The following PTPRN2 variants were observed in gnomAD, a reference collection of about 807,000 sequenced individuals.
The protein encoded by PTPRN2 is receptor-type tyrosine-protein phosphatase N2.
In PTPRN2, 74 loss-of-function variants were observed where a neutral mutation model predicts 118.8. The observed-to-expected ratio is 0.62, with a 90% CI of 0.52 to 0.76. The LOEUF is 0.76. PTPRN2 is among the 30% of genes least tolerant of loss of function. The pLI, the probability that PTPRN2 is intolerant of heterozygous loss-of-function variation, is 0.00. For synonymous variants in PTPRN2, 641 were observed against 608.0 expected, an observed-to-expected ratio of 1.05 and a Z score of -0.80; for missense variants, 1,481 against 1,394.4, an observed-to-expected ratio of 1.06 and a Z score of -0.99.
chr7:157,811,596 C>T (rs1314878887), intron 12 of PTPRN2, among the ~76,000 whole-genome samples: 10 of 152,034 alleles, frequency 6.6e-5, no homozygotes, highest in East Asian at 5.8e-4. Context: ...CACACAGGAA[C>T]GTGCGTGAGC....
chr7:158,100,247 GT>G (rs1563434422), intron 10 of PTPRN2, among the ~76,000 whole-genome samples: 34 of 29,072 alleles, frequency 1.2e-3, no homozygotes, highest in Middle Eastern at 0.016. Flanking sequence ...TCCATGGGGT[GT>G]GTGTGTGTGT....
chr7:158,282,021 T>G (rs1234332355), intron 3 of PTPRN2, among the ~76,000 whole-genome samples: 1 of 152,156 alleles, frequency 6.6e-6, no homozygotes, highest in Non-Finnish European at 1.5e-5. Flanking sequence ...TTAAGAGACC[T>G]GGCCTCCTGT....
At chr7:158,063,064 T>A (rs1300391831) in intron 11 of PTPRN2, among the ~76,000 whole-genome samples, 1 of 152,256 alleles carries the variant, frequency 6.6e-6, no homozygotes. Flanking sequence ...AGAACATTTA[T>A]CTCTAGCTAA....
At chr7:158,499,812 T>G (rs961706862) in intron 1 of PTPRN2, among the ~76,000 whole-genome samples, 1 of 147,488 alleles carries the variant, frequency 6.8e-6, no homozygotes, top group Non-Finnish European at 1.5e-5. Flanking sequence ...TGTGTGTATA[T>G]ATATATATAC....
intron 3 of PTPRN2, among the ~76,000 whole-genome samples, chr7:158,219,475 C>A (rs1278449314): frequency 6.6e-6 from 1 of 151,104 alleles, no homozygotes; most frequent in Admixed American, 6.6e-5. Context: ...AGAAAGATCT[C>A]AAATTAACAA....
intron 11 of PTPRN2, among the ~76,000 whole-genome samples, chr7:157,998,332 G>GAGCCAGGAGCAGCAGTCAGGGCT (rs1804942574): frequency 6.6e-6 from 1 of 152,186 alleles, no homozygotes; most frequent in Non-Finnish European, 1.5e-5. Flanking sequence ...CACTAGCTCA[G>GAGCCAGGAGCAGCAGTCAGGGCT]AGCCAGGAGC....
At chr7:157,572,060 A>C (rs1799783424) in intron 19 of PTPRN2, among the ~76,000 whole-genome samples, 1 of 152,238 alleles carries the variant, frequency 6.6e-6, no homozygotes, top group South Asian at 2.1e-4. Flanking sequence ...TATAACTTTG[A>C]GTATACAAAC....
chr7:158,276,211 G>C (rs531519349), intron 3 of PTPRN2, among the ~76,000 whole-genome samples: 1 of 103,620 alleles, frequency 9.7e-6, no homozygotes, highest in African/African-American at 3.0e-5. Context: ...CCCTGGCCCC[G>C]GCAGGCTGTA....
chr7:158,550,029 C>T lies in PTPRN2; in HGVS notation c.112+37529G>A, dbSNP rs1437645231. ...CCTGGAACTCGGGGCTGGGAGAGGT[C>T]GGCGTCAGGAAGGACCTCATGGGGC... On this transcript the variant is annotated intron_variant, in intron 1 of 22. Coordinates refer to ENST00000389418, the MANE Select transcript of PTPRN2 (RefSeq NM_002847.5). Among the ~76,000 whole-genome samples, 5 of 152,286 alleles carry T rather than the reference C, an allele frequency of 3.3e-5. 1 individual carries two copies. Among genetic ancestry groups the T allele is most frequent in the Admixed American group, 2.6e-4 (4 of 15,310 alleles).
intron 12 of PTPRN2, among the ~76,000 whole-genome samples, chr7:157,731,812 G>A (rs368266174): frequency 5.7e-5 from 3 of 53,012 alleles, no homozygotes; most frequent in Non-Finnish European, 1.3e-4. Context: ...ACCCTTTTCC[G>A]CCCCATGCGC....
chr7:158,316,925 C>T lies in PTPRN2; in HGVS notation c.171G>A (p.Val57=). The T allele has an allele frequency of 1.5e-5, 24 of 1,610,784 alleles. No homozygotes were observed. Among genetic ancestry groups the T allele is most frequent in the Non-Finnish European group, 1.9e-5 (22 of 1,178,806 alleles). The change falls in exon 3 of 23, where the codon GTG becomes GTA. Residue 57 remains valine, a synonymous_variant. Coordinates refer to ENST00000389418, the MANE Select transcript of PTPRN2 (RefSeq NM_002847.5). ...GASEACVNDG[V]FGRCQKVPAM... is the part of the protein sequence containing the mutation. ...CCGGAACCTTCTGGCACCTTCCAAA[C>T]ACTCCATCTGTGAGAAGGGAAGGAG...
At position 157,780,189 on chromosome 7, in the gene PTPRN2, C is replaced by T. The variant is rs143532667; in HGVS notation, c.1789-97252G>A. ...ACTATTAAAGAATTAGCCTCTGGGC[C>T]GTGTGTCCTCCTGGTCTACCTCCAG... is the stretch of plus-strand genomic sequence containing the variant. On this transcript the variant is annotated intron_variant, in intron 12 of 22. Coordinates refer to ENST00000389418, the MANE Select transcript of PTPRN2 (RefSeq NM_002847.5). The surrounding 1 kb of genome is among the most constrained non-coding windows in gnomAD (Gnocchi z 4.5). Among the ~76,000 whole-genome samples, 27 of 152,236 alleles carry T rather than the reference C, an allele frequency of 1.8e-4. No homozygotes were observed. The highest frequency in any genetic ancestry group is 5.8e-4 in the African/African-American group (24 of 41,530).
intron 11 of PTPRN2, among the ~76,000 whole-genome samples, chr7:157,961,034 CA>C (rs1801496562): frequency 6.6e-6 from 1 of 151,758 alleles, no homozygotes; most frequent in Admixed American, 6.6e-5. Context: ...AAAACCAAAA[CA>C]AAACAAAAAA....
At chr7:157,658,858 T>C (rs1795736183) in intron 13 of PTPRN2, among the ~76,000 whole-genome samples, 1 of 152,174 alleles carries the variant, frequency 6.6e-6, no homozygotes, top group Non-Finnish European at 1.5e-5. Context: ...CCTCGTGGGC[T>C]GCTGCTGCCT....
At chr7:158,350,273 C>T (rs1807828364) in intron 2 of PTPRN2, among the ~76,000 whole-genome samples, 1 of 152,194 alleles carries the variant, frequency 6.6e-6, no homozygotes, top group South Asian at 2.1e-4. Flanking sequence ...TCCGCTCCCT[C>T]TGGCAGGAAC....
chr7:158,120,540 C>T (rs1817077471), intron 9 of PTPRN2, among the ~76,000 whole-genome samples: 1 of 152,186 alleles, frequency 6.6e-6, no homozygotes, highest in African/African-American at 2.4e-5. Context: ...GGCAAAGCTC[C>T]TTTCTGCTCC....
rs144212828 is a variant in PTPRN2 at position 158,314,763 on chromosome 7, C to T, written c.277+2056G>A. 3.3e-5 allele frequency among the ~76,000 whole-genome samples: 5 copies of T among 152,386 alleles called. No individual in the cohort carries two copies. In the East Asian group the frequency reaches 9.6e-4, roughly 29 times the overall value. The stretch of plus-strand genomic sequence containing the variant: ...ACTTGGGCTTTGTTTGTGGGTGGTT[C>T]TGTGTAATGCACAGGCACCACCCAA... On this transcript the variant is annotated intron_variant, in intron 3 of 22. Coordinates refer to ENST00000389418, the MANE Select transcript of PTPRN2 (RefSeq NM_002847.5).
intron 1 of PTPRN2, among the ~76,000 whole-genome samples, chr7:158,578,369 A>G (rs1828448487): frequency 6.6e-6 from 1 of 151,074 alleles, no homozygotes; most frequent in South Asian, 2.1e-4. Context: ...AAGGAGGATC[A>G]CTTGAGTCCA....
At chr7:158,485,314 C>G (rs1262476185) in intron 2 of PTPRN2, among the ~76,000 whole-genome samples, 1 of 152,020 alleles carries the variant, frequency 6.6e-6, no homozygotes, top group Non-Finnish European at 1.5e-5. Flanking sequence ...TGTGGTCGTC[C>G]TGACGCACTC....
Sources: gnomAD v4.1 joint callset for allele counts (sites outside exome capture counted in the v4.1 genomes callset) on GRCh38, gnomAD v4.1.1 for gene constraint, Gnocchi (gnomAD v3.1) non-coding constraint, MANE v1.5 for transcripts, NCBI Gene and HGNC (gene_info 2026-07-23, HGNC 2026-07-21) for gene names.